APP: variants seen among roughly 807,000 people sequenced by gnomAD.
APP encodes the protein amyloid-beta precursor protein.
APP carries 31 observed loss-of-function variants against 101.4 expected under a neutral mutation model. The observed-to-expected ratio is 0.31, with a 90% CI of 0.23 to 0.41. The LOEUF is 0.41. APP is among the 10% of genes least tolerant of loss of function. The pLI, the probability that APP is intolerant of heterozygous loss-of-function variation, is 1.00. For synonymous variants in APP, 366 were observed against 364.4 expected (o/e 1.00, Z -0.05); for missense variants, 839 against 1,003.7 (o/e 0.84, Z 2.22).
chr21:26,012,997 A>G (rs1392032725), intron 6 of APP, among the ~76,000 whole-genome samples: 12 of 147,348 alleles, frequency 8.1e-5, no homozygotes, highest in Non-Finnish European at 1.6e-4. Flanking sequence ...ACAAAACAAA[A>G]CAAAACAAAA....
intron 1 of APP, among the ~76,000 whole-genome samples, chr21:26,170,069 A>G (rs531330669): frequency 1.3e-5 from 2 of 152,074 alleles, no homozygotes; most frequent in Non-Finnish European, 2.9e-5. Context: ...GGGAAAAGCG[A>G]GGGGCTCCTA....
intron 2 of APP, among the ~76,000 whole-genome samples, chr21:26,110,054 T>C (rs1053685413): frequency 2.0e-5 from 3 of 152,238 alleles, no homozygotes; most frequent in Non-Finnish European, 4.4e-5. Flanking sequence ...AAATATTATT[T>C]CTAACATTGA....
intron 1 of APP, among the ~76,000 whole-genome samples, chr21:26,114,979 C>T (rs973864921): frequency 7.2e-5 from 11 of 152,024 alleles, no homozygotes; most frequent in African/African-American, 2.7e-4. Flanking sequence ...TTTCAAATAA[C>T]TTGATTACGG....
intron 13 of APP, among the ~76,000 whole-genome samples, chr21:25,923,414 A>T (rs1225427000): frequency 7.0e-6 from 1 of 142,954 alleles, no homozygotes. Flanking sequence ...TCTGCACAGC[A>T]AAAGAAACTA....
chr21:26,146,570 A>G (rs1161540764), intron 1 of APP, among the ~76,000 whole-genome samples: 2 of 152,232 alleles, frequency 1.3e-5, no homozygotes, highest in Non-Finnish European at 2.9e-5. Context: ...TTTATACATA[A>G]AATTATAGAA....
At chr21:26,102,095 T>C (rs2062071951) in intron 2 of APP, among the ~76,000 whole-genome samples, 2 of 70,348 alleles carry the variant, frequency 2.8e-5, no homozygotes, top group Admixed American at 1.3e-4. Flanking sequence ...TTTTTTTTTT[T>C]TTTTTTTTTG....
intron 5 of APP, among the ~76,000 whole-genome samples, chr21:26,042,204 A>C (rs2045402463): frequency 6.6e-6 from 1 of 152,200 alleles, no homozygotes; most frequent in African/African-American, 2.4e-5. Flanking sequence ...ATATATTCAA[A>C]AACTTGTAAC....
At chr21:26,013,482 C>CT (rs35031616) in intron 6 of APP, among the ~76,000 whole-genome samples, 130,612 of 147,812 alleles carry the variant, frequency 0.88, 58,087 homozygotes, top group Middle Eastern at 0.97. Flanking sequence ...CATCTGCACA[C>CT]TTTTTTTTTT....
At chr21:26,066,123 A>G (rs910993663) in intron 3 of APP, among the ~76,000 whole-genome samples, 2 of 152,172 alleles carry the variant, frequency 1.3e-5, no homozygotes, top group Non-Finnish European at 2.9e-5. Context: ...GTGCCTATGA[A>G]TCACCTGGGG....
chr21:25,955,845 T>C (rs1172663194), intron 11 of APP, 90 bp from the exon 12 acceptor site: 16 of 1,587,612 alleles, frequency 1.0e-5, no homozygotes, highest in Non-Finnish European at 1.4e-5. Context: ...CACTAATGCA[T>C]CCGGTCATGT....
At chr21:26,140,127 AT>A (rs2063010496) in intron 1 of APP, 1 of 1,466,800 alleles carries the variant, frequency 6.8e-7, no homozygotes, top group Admixed American at 2.0e-5. Context: ...ACTAAAAACA[AT>A]GCCAACTTCA....
intron 5 of APP, among the ~76,000 whole-genome samples, chr21:26,028,176 C>CAAAAA (rs200301180): frequency 1.1e-5 from 1 of 93,506 alleles, no homozygotes; most frequent in African/African-American, 4.2e-5. Context: ...GACTCTGTCT[C>CAAAAA]AAAAAAAAAA....
At chr21:25,968,562 G>A (rs115454374) in intron 11 of APP, among the ~76,000 whole-genome samples, 1,637 of 152,062 alleles carry the variant, frequency 0.011, 22 homozygotes, top group African/African-American at 0.036. Context: ...TTGCCTATAG[G>A]TACATAACTA....
In APP at chr21:25,905,045, G is replaced by A. The variant is rs768182065; in HGVS notation, c.1942C>T (p.Arg648Ter). 6.2e-7 allele frequency: 1 copy of A among 1,613,772 alleles called. No individual in the cohort carries two copies. Among genetic ancestry groups the A allele is most frequent in the African/African-American group, 1.3e-5 (1 of 74,904 alleles). Residue 648 changes from arginine to a stop codon, truncating the protein, a stop_gained, in exon 15 of 18, where the codon CGA (arginine) becomes TGA (stop). Coordinates refer to ENST00000346798, the MANE Select transcript of APP (RefSeq NM_000484.4). LOFTEE classifies it high-confidence loss of function. ...ATACCTGGTCGAGTGGTCAGTCCTC[G>A]GTCGGCAGCAGGGCGGGCATCAACA... ...EPVDARPAAD[R>*]GLTTRPGSGL...
intron 6 of APP, among the ~76,000 whole-genome samples, chr21:26,008,379 C>T (rs1370480160): frequency 1.3e-5 from 2 of 152,116 alleles, no homozygotes; most frequent in Non-Finnish European, 2.9e-5. Flanking sequence ...CACTGAGCTG[C>T]GTGGTTAGCG....
In APP at chr21:26,021,825, C is replaced by G. The variant is rs778249608; in HGVS notation, c.865+15G>C. ...TCCTTGGGGGTGGGGGGAATCCAAG[C>G]AAATGGTGGATTACCTCGAACCACC... On this transcript the variant is annotated intron_variant, in intron 6 of 17. Coordinates refer to ENST00000346798, the MANE Select transcript of APP (RefSeq NM_000484.4). 1.2e-6 allele frequency: 2 copies of G among 1,611,940 alleles called. No individual in the cohort carries two copies. Among genetic ancestry groups the G allele is most frequent in the South Asian group, 1.1e-5 (1 of 91,046 alleles).
At chr21:25,910,412 G>A (rs764660890) in intron 14 of APP, among the ~76,000 whole-genome samples, 1 of 152,172 alleles carries the variant, frequency 6.6e-6, no homozygotes, top group Admixed American at 6.5e-5. Flanking sequence ...TTACAGGCGT[G>A]ACCCACGATG....
intron 3 of APP, among the ~76,000 whole-genome samples, chr21:26,080,661 C>T (rs1171237118): frequency 6.6e-6 from 1 of 151,440 alleles, no homozygotes; most frequent in Non-Finnish European, 1.5e-5. Context: ...ATCCCAGCTA[C>T]TCGGTAGGCT....
chr21:25,889,362 C>G (rs1328786806), intron 17 of APP, among the ~76,000 whole-genome samples: 1 of 152,118 alleles, frequency 6.6e-6, no homozygotes, highest in Non-Finnish European at 1.5e-5. Flanking sequence ...AGGAACCAAC[C>G]TGGCTGATAC....
Sources: gnomAD v4.1 joint callset for allele counts (sites outside exome capture counted in the v4.1 genomes callset) on GRCh38, gnomAD v4.1.1 for gene constraint, MANE v1.5 for transcripts, NCBI Gene and HGNC (gene_info 2026-07-23, HGNC 2026-07-21) for gene names.